Variants in ABCA9 observed in about 807,000 individuals in gnomAD.
The protein encoded by ABCA9 is ATP-binding cassette sub-family A member 9.
ABCA9 carries 183 observed loss-of-function variants against 205.3 expected under a neutral mutation model. That is an observed-to-expected ratio of 0.89 (90% CI 0.79 to 1.01). The LOEUF is 1.01. Ranked by LOEUF, ABCA9 falls within the 50% of genes least tolerant of loss-of-function variation. ABCA9 has a pLI of 0.00. For missense variants in ABCA9, 1,805 were observed against 1,912.4 expected, an observed-to-expected ratio of 0.94 and a Z score of 1.05; for synonymous variants, 651 against 683.3, an observed-to-expected ratio of 0.95 and a Z score of 0.74.
chr17:68,991,037 C>A (rs1422444532), intron 28 of ABCA9, 80 bp from the exon 29 acceptor site: 3 of 1,501,182 alleles, frequency 2.0e-6, no homozygotes, highest in Non-Finnish European at 2.7e-6. Flanking sequence ...CTCTATACTT[C>A]CAATTTTTGG....
chr17:69,049,304 C>A lies in ABCA9; in HGVS notation c.283G>T (p.Ala95Ser), dbSNP rs753714659. 80 of 1,612,528 alleles carry A rather than the reference C, an allele frequency of 5.0e-5. No individual in the cohort carries two copies. Among genetic ancestry groups the A allele is most frequent in the Non-Finnish European group, 6.4e-5 (76 of 1,179,214 alleles). ...ATACCTTTTAGGAATGGGGCTGAAG[C>A]CACTTTGTTCATTATCTCTTGGGTA... ...KTTQEIMNKV[A>S]SAPFLKGRTI... The change falls in exon 3 of 39, where the codon GCT (alanine) becomes TCT (serine). Residue 95 changes from alanine to serine, a missense_variant. By Grantham distance (99) the Ala-to-Ser change is moderately conservative. Coordinates refer to ENST00000340001, the MANE Select transcript of ABCA9 (RefSeq NM_080283.4).
intron 37 of ABCA9, among the ~76,000 whole-genome samples, chr17:68,977,993 G>A (rs948854391): frequency 2.6e-5 from 4 of 152,184 alleles, no homozygotes; most frequent in Non-Finnish European, 5.9e-5. Flanking sequence ...GGTCTGCTTG[G>A]TGCAGAGCTG....
chr17:69,054,981 AT>A (rs1441132792), intron 1 of ABCA9, among the ~76,000 whole-genome samples: 4 of 152,294 alleles, frequency 2.6e-5, no homozygotes, highest in South Asian at 4.1e-4. Flanking sequence ...AACAAAAAAA[AT>A]GAGTCTAAAT....
the ABCA9 span, among the ~76,000 whole-genome samples, chr17:69,071,230 C>A: frequency 2.0e-5 from 3 of 151,110 alleles, no homozygotes; most frequent in African/African-American, 7.4e-5. Context: ...CAGTACAGTG[C>A]TTGAGCTCTG....
chr17:68,998,036 T>C (rs1325581556), intron 25 of ABCA9, among the ~76,000 whole-genome samples: 2 of 152,212 alleles, frequency 1.3e-5, no homozygotes, highest in African/African-American at 4.8e-5. Flanking sequence ...AATCATACAG[T>C]GTGTAGACTT....
rs551406155 is a variant in ABCA9, at chr17:68,979,308, TC to T, written c.4721-3119del. ...AGGATACAAACAAATGGAAGAACGT[TC>T]CATGCTCATGGGTAGGAAGAATCAA... On this transcript the variant is annotated intron_variant, in intron 37 of 38. Coordinates refer to ENST00000340001, the MANE Select transcript of ABCA9 (RefSeq NM_080283.4). Among the ~76,000 whole-genome samples the T allele has an allele frequency of 1.7e-3, 256 of 152,114 alleles. 1 individual carries two copies. Among genetic ancestry groups the T allele is most frequent in the African/African-American group, 6.0e-3 (248 of 41,490 alleles).
rs780394943 is a variant in ABCA9, at chr17:69,043,564, G to A, written c.725C>T (p.Ser242Leu). ...ISFSTFIYYV[S>L]VNVTQERQYI... ...TTGTCTTTCTTGTGTAACATTGACT[G>A]ATACATAGTATATAAATGTAGAAAA... The change falls in exon 6 of 39, where the codon TCA becomes TTA. Residue 242 changes from serine (S) to leucine (L), a missense_variant. Ser to Leu is a moderately radical substitution (Grantham distance 145). Transcript: ENST00000340001. 1.2e-6 allele frequency: 2 copies of A among 1,611,774 alleles called. No individual in the cohort carries two copies. Among genetic ancestry groups the A allele is most frequent in the South Asian group, 1.1e-5 (1 of 90,618 alleles).
chr17:69,026,299 TTACACATTGATGCTGA>T (rs2144329274), intron 16 of ABCA9, 62 bp downstream of exon 16: 3 of 1,183,414 alleles, frequency 2.5e-6, no homozygotes, highest in Non-Finnish European at 3.7e-6. Context: ...GGGCCTACTT[TTACACATTGATGCTGA>T]TACCACCTGC....
chr17:69,000,454 T>C (rs528468899), intron 25 of ABCA9, among the ~76,000 whole-genome samples: 8 of 152,090 alleles, frequency 5.3e-5, no homozygotes, highest in Non-Finnish European at 7.3e-5. Context: ...CGGCGTTATT[T>C]CTGAGGGCTC....
rs375620915 is a variant in ABCA9 at position 69,026,193 on chromosome 17, C to T, written c.2141+184G>A. 1.1e-4 allele frequency among the ~76,000 whole-genome samples: 17 copies of T among 152,270 alleles called. No homozygotes were observed. The East Asian group carries it at 1.2e-3, about 10-fold the overall frequency. ...CCTAGATTAATCATCCTTGCATGCT[C>T]AATGTCTATAATCTCATATATCCTG... On this transcript the variant is annotated intron_variant, in intron 16 of 38. Transcript: ENST00000340001.
chr17:68,990,843 A>G lies in ABCA9; in HGVS notation c.3831T>C (p.Phe1277=). ...RTVNAMAVRD[F]DETPVIIASC... The stretch of plus-strand genomic sequence containing the variant: ...GAACATTTCTGAGTTCTACCTCATC[A>G]AAGTCTCGCACAGCCATAGCATTCA... Residue 1277 remains phenylalanine (F), a synonymous_variant, in exon 29 of 39, where the codon TTT becomes TTC. Transcript: ENST00000340001. 6.2e-7 allele frequency: 1 copy of G among 1,611,798 alleles called. No homozygotes were observed.
chr17:68,991,847 T>C (rs2069463855), intron 28 of ABCA9, among the ~76,000 whole-genome samples: 2 of 152,312 alleles, frequency 1.3e-5, no homozygotes, highest in Admixed American at 1.3e-4. Flanking sequence ...AAACTATTCT[T>C]CCTTCCCGGA....
chr17:69,057,190 G>T (rs944471489), intron 1 of ABCA9, among the ~76,000 whole-genome samples: 3 of 152,176 alleles, frequency 2.0e-5, no homozygotes, highest in Non-Finnish European at 4.4e-5. Flanking sequence ...TGGAGTTAGG[G>T]AGAATGAATC....
At chr17:69,055,328 T>C (rs534171283) in intron 1 of ABCA9, among the ~76,000 whole-genome samples, 16 of 152,252 alleles carry the variant, frequency 1.1e-4, no homozygotes, top group African/African-American at 3.8e-4. Flanking sequence ...ATGCTAACAA[T>C]AATCAGAAGA....
chr17:69,018,678 T>TA, intron 19 of ABCA9, 99 bp from the exon 20 acceptor site: 1 of 907,586 alleles, frequency 1.1e-6, no homozygotes, highest in South Asian at 1.8e-5. Context: ...AAATAAATTA[T>TA]AATCAATAAC....
At chr17:68,982,919 C>T (rs1302332305) in intron 36 of ABCA9, among the ~76,000 whole-genome samples, 1 of 152,094 alleles carries the variant, frequency 6.6e-6, no homozygotes, top group Non-Finnish European at 1.5e-5. Flanking sequence ...GGCAGGAGGA[C>T]CACTTGAGCC....
chr17:69,017,262 G>T (rs1038013983), intron 21 of ABCA9, among the ~76,000 whole-genome samples: 1 of 151,984 alleles, frequency 6.6e-6, no homozygotes, highest in East Asian at 1.9e-4. Context: ...TTCCTACAGG[G>T]TCTAGGCAGG....
At chr17:69,034,171 T>C (rs1449044589) in intron 8 of ABCA9, among the ~76,000 whole-genome samples, 1 of 152,184 alleles carries the variant, frequency 6.6e-6, no homozygotes, top group Non-Finnish European at 1.5e-5. Flanking sequence ...GGACCTAATA[T>C]AGTTTACAAA....
rs146820712 is a variant in ABCA9 at position 69,018,413 on chromosome 17, C to T, written c.2767G>A (p.Gly923Arg). 6.5e-6 allele frequency: 10 copies of T among 1,543,288 alleles called. No homozygotes were observed. Among genetic ancestry groups the T allele is most frequent in the African/African-American group, 4.2e-5 (3 of 70,726 alleles). The change falls in exon 20 of 39, where the codon GGG (glycine) becomes AGG (arginine). Residue 923 changes from glycine (G) to arginine (R), a missense_variant and splice_region_variant. Physicochemically the swap from Gly to Arg is moderately radical, Grantham distance 125. Coordinates refer to ENST00000340001, the MANE Select transcript of ABCA9 (RefSeq NM_080283.4). Reference protein sequence around the residue: ...LTHLLVINKTGSTIDNFLHSL... With the variant: ...LTHLLVINKTRSTIDNFLHSL... ...AGCTGCATTTCAGCCCCATGTTCAC[C>T]TGTCTTATTGATGACCAGTAAATGG...
Sources: gnomAD v4.1 joint callset for allele counts (sites outside exome capture counted in the v4.1 genomes callset) on GRCh38, gnomAD v4.1.1 for gene constraint, MANE v1.5 for transcripts, NCBI Gene and HGNC (gene_info 2026-07-23, HGNC 2026-07-21) for gene names.